DMD: variants seen among roughly 807,000 people sequenced by gnomAD.
The protein encoded by DMD is dystrophin.
In DMD, 63 loss-of-function variants were observed where a neutral mutation model predicts 330.1. The observed-to-expected ratio is 0.19, with a 90% CI of 0.16 to 0.24. DMD has a LOEUF of 0.24. DMD is among the 10% of genes least tolerant of loss of function. DMD has a pLI of 1.00. For synonymous variants in DMD, 1,223 were observed against 959.8 expected (o/e 1.27, Z -5.07); for missense variants, 3,344 against 2,684.1 (o/e 1.25, Z -5.43).
At chrX:31,617,011 C>A (rs1011169774) in intron 55 of DMD, among the ~76,000 whole-genome samples, 1 of 111,518 alleles carries the variant, frequency 9.0e-6, no homozygotes, top group Middle Eastern at 4.6e-3. Context: ...CTATTTGGGT[C>A]ATACTGAATT....
rs2060070724 is a variant in DMD at position 31,379,843 on chromosome X, T to A, written c.9085-31209A>T. On this transcript the variant is annotated intron_variant, in intron 60 of 78. Transcript: ENST00000357033. The stretch of plus-strand genomic sequence containing the variant: ...AGCCCGGGATTCCTCCTAAGCCATG[T>A]CCCATCTGTGGAGGACCCCACTGAA... Among the ~76,000 whole-genome samples the A allele has an allele frequency of 1.1e-4, 12 of 111,803 alleles. No individual in the cohort carries two copies. In the Admixed American group the frequency reaches 1.1e-3, roughly 11 times the overall value.
intron 43 of DMD, among the ~76,000 whole-genome samples, chrX:32,246,303 A>G (rs372178909): frequency 2.0e-5 from 2 of 101,537 alleles, no homozygotes; most frequent in Non-Finnish European, 4.0e-5. Flanking sequence ...TTGCATCCCA[A>G]GGATGAAGCC....
intron 45 of DMD, among the ~76,000 whole-genome samples, chrX:31,951,211 T>C (rs1296484098): frequency 1.0e-5 from 1 of 96,653 alleles, no homozygotes; most frequent in African/African-American, 3.9e-5. Context: ...CTTATACATA[T>C]AACCTGGAGG....
At chrX:32,015,690 G>A (rs778643645) in intron 44 of DMD, among the ~76,000 whole-genome samples, 4 of 111,593 alleles carry the variant, frequency 3.6e-5, no homozygotes, top group Non-Finnish European at 5.6e-5. Flanking sequence ...CAGCTTCCAC[G>A]GATTGCTGTG....
At chrX:32,844,443 A>AG (rs2080470379) in intron 4 of DMD, among the ~76,000 whole-genome samples, 1 of 110,290 alleles carries the variant, frequency 9.1e-6, no homozygotes, top group South Asian at 3.8e-4. Context: ...AAAAGAAAAG[A>AG]AAAAAGAAAA....
At chrX:33,184,985 G>C (rs1011637562) in intron 1 of DMD, among the ~76,000 whole-genome samples, 1 of 110,063 alleles carries the variant, frequency 9.1e-6, no homozygotes, top group East Asian at 2.9e-4. Context: ...GCCTCCCAAA[G>C]TGCTGGGATT....
intron 1 of DMD, among the ~76,000 whole-genome samples, chrX:33,088,616 C>G (rs997476053): frequency 9.9e-5 from 11 of 110,757 alleles, no homozygotes; most frequent in South Asian, 3.9e-4. Context: ...ACCCGGGAGG[C>G]GGAGCTTGCA....
chrX:32,537,341 AATG>A (rs1484341624), intron 17 of DMD, among the ~76,000 whole-genome samples: 5 of 111,614 alleles, frequency 4.5e-5, no homozygotes, highest in African/African-American at 9.8e-5. Flanking sequence ...AAAGATTATA[AATG>A]ATATTTCCCC....
At chrX:33,215,650 T>C, upstream of DMD, among the ~76,000 whole-genome samples, 1 of 111,791 alleles carries the variant, frequency 8.9e-6, no homozygotes. Flanking sequence ...TTTTTTACAG[T>C]ATGAGGTCTT....
At chrX:31,693,683 T>C (rs1345602526) in intron 52 of DMD, among the ~76,000 whole-genome samples, 2 of 111,409 alleles carry the variant, frequency 1.8e-5, no homozygotes, top group Non-Finnish European at 3.8e-5. Context: ...ATCTCACTTA[T>C]AATAGCATGA....
At chrX:32,441,090 T>G (rs1314853931) in intron 28 of DMD, 90 bp downstream of exon 28, 12 of 979,179 alleles carry the variant, frequency 1.2e-5, no homozygotes. Context: ...TCTCTTGGGT[T>G]GTTTTCTTTG....
chrX:31,328,408 T>C (rs1403424988), intron 61 of DMD, among the ~76,000 whole-genome samples: 1 of 111,534 alleles, frequency 9.0e-6, no homozygotes, highest in Non-Finnish European at 1.9e-5. Context: ...CAAAGCAAGT[T>C]AGATATACTG....
Position 32,750,868 on chromosome X carries a change from G to A in DMD, c.650-51575C>T, listed in dbSNP as rs57721896. ...TGGATCATGGGGTCAGGTATTTCCC[G>A]TGCTGTTCTCATGATAGTGAATAAG... On this transcript the variant is annotated intron_variant, in intron 7 of 78. Coordinates refer to ENST00000357033, the MANE Select transcript of DMD (RefSeq NM_004006.3). Among the ~76,000 whole-genome samples, 725 of 111,348 alleles carry A rather than the reference G, an allele frequency of 6.5e-3. 9 individuals carry two copies. Among genetic ancestry groups the A allele is most frequent in the African/African-American group, 0.022 (684 of 30,585 alleles).
At chrX:31,343,727 TCCTC>T (rs2057910753) in intron 61 of DMD, among the ~76,000 whole-genome samples, 1 of 109,171 alleles carries the variant, frequency 9.2e-6, no homozygotes, top group African/African-American at 3.3e-5. Flanking sequence ...AATTAGTAGT[TCCTC>T]CTTATTTTTC....
In DMD at chrX:31,422,319, G is replaced by A. The variant is rs376949479; in HGVS notation, c.9084+22162C>T. Among the ~76,000 whole-genome samples, 21 of 110,886 alleles carry A rather than the reference G, an allele frequency of 1.9e-4. No homozygotes were observed. In the East Asian group the frequency reaches 5.9e-3, roughly 31 times the overall value. On this transcript the variant is annotated intron_variant, in intron 60 of 78. Transcript: ENST00000357033. ...GCCACCGCACCTGGCCAGATTGCAG[G>A]TATCTTTAACAGGTTGGAGTGTTAC...
At chrX:31,589,067 C>G (rs921904130) in intron 55 of DMD, among the ~76,000 whole-genome samples, 1 of 104,295 alleles carries the variant, frequency 9.6e-6, no homozygotes. Context: ...TAACACAGAA[C>G]CTTTAGTGGT....
intron 55 of DMD, among the ~76,000 whole-genome samples, chrX:31,591,073 T>C (rs1225188218): frequency 8.9e-6 from 1 of 112,069 alleles, no homozygotes; most frequent in African/African-American, 3.2e-5. Context: ...CTTACCAGAT[T>C]TTAAATACTT....
At chrX:31,502,805 T>C (rs1046874428) in intron 56 of DMD, among the ~76,000 whole-genome samples, 5 of 111,842 alleles carry the variant, frequency 4.5e-5, no homozygotes, top group African/African-American at 1.6e-4. Flanking sequence ...TCTCAAGTTA[T>C]TAATATTCTA....
intron 50 of DMD, among the ~76,000 whole-genome samples, chrX:31,791,552 A>T (rs762861888): frequency 2.7e-5 from 3 of 111,998 alleles, no homozygotes; most frequent in Admixed American, 9.5e-5. Context: ...CTATATGACC[A>T]TATCCAATAC....
Sources: gnomAD v4.1 joint callset for allele counts (sites outside exome capture counted in the v4.1 genomes callset) on GRCh38, gnomAD v4.1.1 for gene constraint, MANE v1.5 for transcripts, NCBI Gene and HGNC (gene_info 2026-07-23, HGNC 2026-07-21) for gene names.